ZC3H12B: variants seen among roughly 807,000 people sequenced by gnomAD.
The protein encoded by ZC3H12B is probable ribonuclease ZC3H12B.
In ZC3H12B, 7 loss-of-function variants were observed where a neutral mutation model predicts 43.9. The observed-to-expected ratio is 0.16, with a 90% confidence interval of 0.09 to 0.30. The LOEUF (loss-of-function observed/expected upper bound fraction) is 0.30, where lower values mean the gene tolerates loss of function less well. Ranked by LOEUF, ZC3H12B falls within the 10% of genes least tolerant of loss-of-function variation. ZC3H12B has a pLI of 1.00. For synonymous variants in ZC3H12B, 222 were observed against 241.7 expected (o/e 0.92, Z 0.76); for missense variants, 475 against 670.2 (o/e 0.71, Z 3.22).
the ZC3H12B span, among the ~76,000 whole-genome samples, chrX:65,120,232 T>G: frequency 1.8e-5 from 2 of 112,137 alleles, no homozygotes; most frequent in African/African-American, 6.5e-5. Context: ...ATAAATTACC[T>G]TGGGCAGTAT....
At chrX:65,087,626 A>G in the ZC3H12B span, among the ~76,000 whole-genome samples, 1 of 111,716 alleles carries the variant, frequency 9.0e-6, no homozygotes. Flanking sequence ...GAGAAGGGTG[A>G]TAGAAAGTAG....
intron 3 of ZC3H12B, among the ~76,000 whole-genome samples, chrX:65,406,326 C>T (rs1309121915): frequency 9.3e-6 from 1 of 107,010 alleles, no homozygotes; most frequent in Non-Finnish European, 1.9e-5. Context: ...CCCTGGGATG[C>T]AAGGATGGTC....
chrX:65,123,993 G>A, the ZC3H12B span, among the ~76,000 whole-genome samples: 3 of 110,616 alleles, frequency 2.7e-5, no homozygotes, highest in Admixed American at 2.9e-4. Flanking sequence ...TCTTTCTCTT[G>A]TCTGAGTTCT....
the ZC3H12B span, among the ~76,000 whole-genome samples, chrX:65,243,190 A>C: frequency 8.9e-6 from 1 of 111,911 alleles, no homozygotes; most frequent in Non-Finnish European, 1.9e-5. Flanking sequence ...GAAGAGATAA[A>C]ACAGAATTGG....
At chrX:65,293,847 T>A in the ZC3H12B span, among the ~76,000 whole-genome samples, 1 of 111,638 alleles carries the variant, frequency 9.0e-6, no homozygotes, top group Non-Finnish European at 1.9e-5. Flanking sequence ...TCCAAGAAGT[T>A]TGAAATTATG....
the ZC3H12B span, among the ~76,000 whole-genome samples, chrX:65,214,419 A>G: frequency 3.6e-5 from 4 of 111,677 alleles, no homozygotes; most frequent in African/African-American, 1.3e-4. Context: ...AATTTCTGTA[A>G]TATTCTAAAT....
intron 3 of ZC3H12B, among the ~76,000 whole-genome samples, chrX:65,405,778 A>G (rs1398346340): frequency 1.8e-5 from 2 of 112,284 alleles, no homozygotes; most frequent in African/African-American, 6.5e-5. Flanking sequence ...AGGAGAGAAG[A>G]TTCAAATAAA....
At chrX:65,203,407 T>C in the ZC3H12B span, among the ~76,000 whole-genome samples, 1 of 111,364 alleles carries the variant, frequency 9.0e-6, no homozygotes, top group Admixed American at 9.6e-5. Flanking sequence ...TTATTACTGC[T>C]GATCGTTCAG....
chrX:65,217,775 TAGAA>T, the ZC3H12B span, among the ~76,000 whole-genome samples: 29 of 110,525 alleles, frequency 2.6e-4, no homozygotes, highest in Admixed American at 4.8e-4. Flanking sequence ...AAAATGGAAA[TAGAA>T]AGAATAAAGC....
intron 2 of ZC3H12B, among the ~76,000 whole-genome samples, chrX:65,396,817 C>A (rs759777328): frequency 6.3e-5 from 7 of 110,664 alleles, no homozygotes; most frequent in Admixed American, 4.8e-4. Context: ...AAGTCTCCCA[C>A]TATTATTATG....
chrX:65,073,283 G>T, the ZC3H12B span, among the ~76,000 whole-genome samples: 3 of 112,755 alleles, frequency 2.7e-5, no homozygotes, highest in African/African-American at 9.7e-5. Context: ...CAATGTTGGG[G>T]TGGCCATGCT....
intron 3 of ZC3H12B, among the ~76,000 whole-genome samples, chrX:65,463,009 T>G (rs1318038020): frequency 8.9e-6 from 1 of 112,107 alleles, no homozygotes; most frequent in Non-Finnish European, 1.9e-5. Context: ...AGTGAATTAA[T>G]GCAGGAACAG....
chrX:65,347,470 C>A, the ZC3H12B span, among the ~76,000 whole-genome samples: 1 of 111,926 alleles, frequency 8.9e-6, no homozygotes, highest in Non-Finnish European at 1.9e-5. Flanking sequence ...ATGCAGGCAA[C>A]AGACACATGA....
the ZC3H12B span, among the ~76,000 whole-genome samples, chrX:65,112,603 T>C: frequency 8.9e-6 from 1 of 111,775 alleles, no homozygotes; most frequent in African/African-American, 3.2e-5. Flanking sequence ...TTAAAAATTA[T>C]GCTAAATCTA....
At chrX:65,187,845 A>T in the ZC3H12B span, among the ~76,000 whole-genome samples, 1 of 110,679 alleles carries the variant, frequency 9.0e-6, no homozygotes, top group African/African-American at 3.3e-5. Context: ...TTTAAAATAT[A>T]AACTGTTGTT....
the ZC3H12B span, among the ~76,000 whole-genome samples, chrX:65,058,892 C>A: frequency 2.7e-5 from 3 of 112,337 alleles, no homozygotes; most frequent in African/African-American, 9.7e-5. Flanking sequence ...GGGATATAAT[C>A]TTCTGGTGTG....
chrX:65,074,729 G>A, the ZC3H12B span, among the ~76,000 whole-genome samples: 1 of 111,242 alleles, frequency 9.0e-6, no homozygotes, highest in Non-Finnish European at 1.9e-5. Flanking sequence ...TCTTTCTTCT[G>A]GTTGATCAAG....
chrX:65,086,378 C>A, the ZC3H12B span, among the ~76,000 whole-genome samples: 1 of 110,330 alleles, frequency 9.1e-6, no homozygotes, highest in East Asian at 2.9e-4. Flanking sequence ...CTTCCATTTC[C>A]ACCAGGATGC....
chrX:65,226,131 T>C, the ZC3H12B span, among the ~76,000 whole-genome samples: 6 of 111,433 alleles, frequency 5.4e-5, no homozygotes, highest in Non-Finnish European at 9.4e-5. Flanking sequence ...GAGAGAAAGG[T>C]CGGGTTACCC....
Sources: gnomAD v4.1 joint callset for allele counts (sites outside exome capture counted in the v4.1 genomes callset) on GRCh38, gnomAD v4.1.1 for gene constraint, MANE v1.5 for transcripts, NCBI Gene and HGNC (gene_info 2026-07-23, HGNC 2026-07-21) for gene names.